The following COL19A1 variants were observed in gnomAD, a reference collection of about 807,000 sequenced individuals.
The protein encoded by COL19A1 is collagen alpha-1(XIX) chain.
In COL19A1, 159 loss-of-function variants were observed where a neutral mutation model predicts 190.2. The ratio of observed to expected loss-of-function variants is 0.84; its 90% CI spans 0.73 to 0.95. COL19A1 has a LOEUF of 0.95. Among genes scored for constraint, COL19A1 ranks in the 40% least tolerant of loss-of-function variants. The pLI is 0.00. For missense variants in COL19A1, 1,418 were observed against 1,431.9 expected (o/e 0.99, Z 0.16); for synonymous variants, 509 against 458.9 (o/e 1.11, Z -1.39).
At chr6:70,024,612 TGTGG>T (rs545680023) in intron 12 of COL19A1, among the ~76,000 whole-genome samples, 14 of 131,764 alleles carry the variant, frequency 1.1e-4, no homozygotes, top group East Asian at 2.7e-4. Context: ...TGTGTGTGTG[TGTGG>T]GTGTGTGGGT....
At chr6:70,018,102 A>C (rs1778218419) in intron 11 of COL19A1, among the ~76,000 whole-genome samples, 1 of 152,150 alleles carries the variant, frequency 6.6e-6, no homozygotes, top group Non-Finnish European at 1.5e-5. Flanking sequence ...GAAAAGGCTG[A>C]AGATTCAGAA....
chr6:69,995,090 C>A (rs1259459960), intron 11 of COL19A1, among the ~76,000 whole-genome samples: 3 of 152,156 alleles, frequency 2.0e-5, no homozygotes, highest in African/African-American at 4.8e-5. Flanking sequence ...CTGAAAATAA[C>A]TTGCCCCATT....
chr6:69,876,246 G>C (rs1388583233), intron 1 of COL19A1, among the ~76,000 whole-genome samples: 1 of 152,204 alleles, frequency 6.6e-6, no homozygotes, highest in African/African-American at 2.4e-5. Context: ...TTGGATAAAT[G>C]AGATAGAAGC....
At chr6:70,176,168 A>T (rs979591191) in intron 41 of COL19A1, among the ~76,000 whole-genome samples, 1 of 152,234 alleles carries the variant, frequency 6.6e-6, no homozygotes, top group African/African-American at 2.4e-5. Flanking sequence ...TCTTTTAAGC[A>T]AGAGTAATGA....
At chr6:70,137,828 C>G in intron 19 of COL19A1, 81 bp downstream of exon 19, 2 of 1,361,410 alleles carry the variant, frequency 1.5e-6, no homozygotes, top group Non-Finnish European at 2.1e-6. Context: ...AGCCCCAATT[C>G]CACGTGCCTT....
chr6:70,193,617 A>G (rs1456192906), intron 48 of COL19A1, among the ~76,000 whole-genome samples: 1 of 152,176 alleles, frequency 6.6e-6, no homozygotes, highest in Non-Finnish European at 1.5e-5. Context: ...TTAAGACAAT[A>G]TTTTAAAGCG....
At chr6:69,997,737 A>G (rs1198246076) in intron 11 of COL19A1, among the ~76,000 whole-genome samples, 1 of 152,194 alleles carries the variant, frequency 6.6e-6, no homozygotes, top group Non-Finnish European at 1.5e-5. Context: ...GAGCCACAAC[A>G]TTCTGTGAGA....
At chr6:69,935,396 C>A (rs1773031033) in intron 7 of COL19A1, among the ~76,000 whole-genome samples, 1 of 151,958 alleles carries the variant, frequency 6.6e-6, no homozygotes, top group Admixed American at 6.6e-5. Context: ...TTATCCAGAG[C>A]AGAATTGTGA....
chr6:69,889,573 A>G (rs1769188958), intron 2 of COL19A1, among the ~76,000 whole-genome samples: 1 of 152,242 alleles, frequency 6.6e-6, no homozygotes, highest in Admixed American at 6.5e-5. Context: ...AAAGGATTGT[A>G]AACGCACCAA....
Position 69,936,765 on chromosome 6 carries a change from A to G in COL19A1, c.748-20A>G. The G allele has an allele frequency of 6.2e-7, 1 of 1,611,620 alleles. No individual in the cohort carries two copies. Among genetic ancestry groups the G allele is most frequent in the Non-Finnish European group, 8.5e-7 (1 of 1,178,404 alleles). ...GTTTGGAATTGACCCCATTTCCTAA[A>G]GCCTCTTTTTGGATTTTAGTGCCCA... On this transcript the variant is annotated intron_variant, in intron 7 of 50. Coordinates refer to ENST00000620364, the MANE Select transcript of COL19A1 (RefSeq NM_001858.6).
At chr6:69,869,566 G>C (rs1197004656) in intron 1 of COL19A1, among the ~76,000 whole-genome samples, 1 of 151,908 alleles carries the variant, frequency 6.6e-6, no homozygotes, top group Non-Finnish European at 1.5e-5. Flanking sequence ...AAAAAAATGG[G>C]AAAAAGGATG....
intron 16 of COL19A1, among the ~76,000 whole-genome samples, chr6:70,108,427 A>G (rs1784097456): frequency 1.3e-5 from 2 of 152,126 alleles, no homozygotes; most frequent in Non-Finnish European, 2.9e-5. Context: ...ATTTTGTAAC[A>G]TGGGGCAACA....
chr6:69,995,849 A>C (rs1776875118), intron 11 of COL19A1, among the ~76,000 whole-genome samples: 1 of 152,176 alleles, frequency 6.6e-6, no homozygotes, highest in Non-Finnish European at 1.5e-5. Context: ...TCGTTAGATT[A>C]AGTCCTTTCT....
chr6:69,914,797 A>T (rs900481540), intron 4 of COL19A1, among the ~76,000 whole-genome samples: 1 of 152,206 alleles, frequency 6.6e-6, no homozygotes, highest in Admixed American at 6.5e-5. Flanking sequence ...CTTTTTAAAC[A>T]CTTTGCTATG....
intron 49 of COL19A1, among the ~76,000 whole-genome samples, chr6:70,202,298 G>A (rs1475638382): frequency 1.3e-5 from 2 of 152,026 alleles, no homozygotes; most frequent in Non-Finnish European, 2.9e-5. Context: ...AAATCCATTT[G>A]GTTCTGAAAT....
intron 14 of COL19A1, among the ~76,000 whole-genome samples, chr6:70,048,961 A>G (rs1323868892): frequency 6.6e-6 from 1 of 151,964 alleles, no homozygotes; most frequent in East Asian, 1.9e-4. Flanking sequence ...ATGCCCAAAG[A>G]GCGTAATTCC....
intron 14 of COL19A1, among the ~76,000 whole-genome samples, chr6:70,049,561 C>G (rs1278227295): frequency 6.6e-6 from 1 of 151,936 alleles, no homozygotes; most frequent in Non-Finnish European, 1.5e-5. Context: ...ATAACTCCTT[C>G]TGCCCTTTTG....
intron 15 of COL19A1, among the ~76,000 whole-genome samples, chr6:70,070,445 T>C (rs1781482314): frequency 6.6e-6 from 1 of 152,132 alleles, no homozygotes; most frequent in Non-Finnish European, 1.5e-5. Context: ...GTAATAGAAC[T>C]TATAGACACT....
intron 16 of COL19A1, among the ~76,000 whole-genome samples, chr6:70,107,626 T>C (rs1784054756): frequency 6.6e-6 from 1 of 152,224 alleles, no homozygotes; most frequent in African/African-American, 2.4e-5. Flanking sequence ...CTTTTCTCTC[T>C]TTACAGTTCT....
Sources: gnomAD v4.1 joint callset for allele counts (sites outside exome capture counted in the v4.1 genomes callset) on GRCh38, gnomAD v4.1.1 for gene constraint, MANE v1.5 for transcripts, NCBI Gene and HGNC (gene_info 2026-07-23, HGNC 2026-07-21) for gene names.